The following ZNRF3 variants were observed in gnomAD, a reference collection of about 807,000 sequenced individuals.
ZNRF3 encodes zinc and ring finger 3, also known as E3 ubiquitin-protein ligase ZNRF3.
Under a neutral mutation model 72.5 loss-of-function variants are expected in ZNRF3, and 23 were observed. That is an observed-to-expected ratio of 0.32 (90% CI 0.23 to 0.45). ZNRF3 has a LOEUF of 0.45. Among genes scored for constraint, ZNRF3 ranks in the 20% least tolerant of loss-of-function variants. The pLI, the probability that ZNRF3 is intolerant of heterozygous loss-of-function variation, is 1.00. For missense variants in ZNRF3, 1,169 were observed against 1,272.1 expected, an observed-to-expected ratio of 0.92 and a Z score of 1.23; for synonymous variants, 610 against 545.3, an observed-to-expected ratio of 1.12 and a Z score of -1.65.
chr22:29,039,970 A>T (rs2036931059), intron 2 of ZNRF3, among the ~76,000 whole-genome samples: 1 of 152,012 alleles, frequency 6.6e-6, no homozygotes, highest in African/African-American at 2.4e-5. Flanking sequence ...ATAGAAAGAT[A>T]GATAGCTCTA....
chr22:28,914,895 A>T (rs2034383249), intron 1 of ZNRF3, among the ~76,000 whole-genome samples: 1 of 151,778 alleles, frequency 6.6e-6, no homozygotes, highest in African/African-American at 2.4e-5. Context: ...TGGGACATTC[A>T]GCCTTTTGCC....
intron 1 of ZNRF3, among the ~76,000 whole-genome samples, chr22:28,912,400 T>G (rs1158777204): frequency 1.3e-5 from 2 of 152,212 alleles, no homozygotes; most frequent in Admixed American, 6.5e-5. Context: ...AGTAACTCTT[T>G]TTTTAAGCTT....
At chr22:28,971,562 G>A (rs993552775) in intron 1 of ZNRF3, among the ~76,000 whole-genome samples, 7 of 152,184 alleles carry the variant, frequency 4.6e-5, no homozygotes, top group African/African-American at 1.4e-4. Context: ...GATGTAAGAC[G>A]TGTGTTTATT....
intron 2 of ZNRF3, among the ~76,000 whole-genome samples, chr22:29,008,859 G>A (rs1255319393): frequency 6.6e-6 from 1 of 152,172 alleles, no homozygotes; most frequent in East Asian, 1.9e-4. Context: ...GATAATCTAG[G>A]TAGCCAATTA....
At chr22:28,970,099 G>T (rs994166303) in intron 1 of ZNRF3, among the ~76,000 whole-genome samples, 5 of 152,182 alleles carry the variant, frequency 3.3e-5, no homozygotes, top group Non-Finnish European at 7.4e-5. Context: ...CGACTACAAA[G>T]ATATGATAAT....
intron 1 of ZNRF3, among the ~76,000 whole-genome samples, chr22:28,940,496 C>CT (rs575819283): frequency 0.6 from 83,117 of 138,150 alleles, 26,300 homozygotes; most frequent in Admixed American, 0.74. Context: ...TAGGTTTCTG[C>CT]TTTTTTTTTT....
intron 2 of ZNRF3, among the ~76,000 whole-genome samples, chr22:29,000,379 G>T (rs2036121443): frequency 6.6e-6 from 1 of 152,204 alleles, no homozygotes; most frequent in African/African-American, 2.4e-5. Context: ...TGTGAAATAT[G>T]CTAGGAATTT....
At chr22:28,948,429 G>A (rs1161455652) in intron 1 of ZNRF3, among the ~76,000 whole-genome samples, 2 of 152,224 alleles carry the variant, frequency 1.3e-5, no homozygotes, top group Non-Finnish European at 2.9e-5. Flanking sequence ...GCCTCCCAAA[G>A]TGCTGGGATT....
chr22:28,911,056 T>G (rs2085877446), intron 1 of ZNRF3, among the ~76,000 whole-genome samples: 1 of 152,206 alleles, frequency 6.6e-6, no homozygotes, highest in Non-Finnish European at 1.5e-5. Context: ...ATCTATTGGA[T>G]TCAGCCTTTC....
At chr22:28,910,745 TG>T (rs1321215371) in intron 1 of ZNRF3, among the ~76,000 whole-genome samples, 1 of 152,140 alleles carries the variant, frequency 6.6e-6, no homozygotes, top group Non-Finnish European at 1.5e-5. Flanking sequence ...GCCAAATGCT[TG>T]GGGCCCAGAG....
chr22:28,925,943 C>A (rs1264086280), intron 1 of ZNRF3, among the ~76,000 whole-genome samples: 2 of 152,186 alleles, frequency 1.3e-5, no homozygotes, highest in Non-Finnish European at 2.9e-5. Flanking sequence ...CTATCTACTG[C>A]CTCCCCGCTA....
intron 1 of ZNRF3, among the ~76,000 whole-genome samples, chr22:28,979,393 T>G (rs1206181598): frequency 1.3e-5 from 2 of 152,160 alleles, no homozygotes; most frequent in Admixed American, 6.5e-5. Flanking sequence ...CCTTTCAAGG[T>G]GCTGTCATGG....
chr22:28,888,698 A>T (rs1052412225), intron 1 of ZNRF3, among the ~76,000 whole-genome samples: 10 of 152,200 alleles, frequency 6.6e-5, no homozygotes, highest in African/African-American at 2.2e-4. Flanking sequence ...GGTTCTTCTC[A>T]TCCTGACACT....
chr22:29,053,743 A>G lies in ZNRF3; in HGVS notation c.*121A>G. On this transcript the variant is annotated 3_prime_UTR_variant, in exon 9 of 9. Transcript: ENST00000544604. ...GACAAACACACAAAAGTGGTAATAA[A>G]GAGAGCCCTCCTTGTCAACCCAAAA... is the stretch of plus-strand genomic sequence containing the variant. The G allele has an allele frequency of 2.0e-6, 2 of 1,013,636 alleles. No homozygotes were observed. The highest frequency in any genetic ancestry group is 2.9e-6 in the Non-Finnish European group (2 of 695,638). The allele number at this position is 1,013,636 out of a possible 1,614,324, so 62.8% of individuals were successfully genotyped here.
At position 28,967,654 on chromosome 22, in the gene ZNRF3, C is replaced by T. The variant is rs149005504; in HGVS notation, c.301-19422C>T. Among the ~76,000 whole-genome samples, 380 of 152,064 alleles carry T rather than the reference C, an allele frequency of 2.5e-3. 2 individuals carry two copies. Among genetic ancestry groups the T allele is most frequent in the African/African-American group, 8.6e-3 (356 of 41,494 alleles). On this transcript the variant is annotated intron_variant, in intron 1 of 8. Coordinates refer to ENST00000544604, the MANE Select transcript of ZNRF3 (RefSeq NM_001206998.2). ...TAATATATCCTGTTGAGGCTGGGTG[C>T]GGTGGCTGATGCTTGTAATCCCAGC...
chr22:29,006,366 G>A (rs965848071), intron 2 of ZNRF3, among the ~76,000 whole-genome samples: 3 of 151,990 alleles, frequency 2.0e-5, no homozygotes, highest in Non-Finnish European at 4.4e-5. Context: ...GGCGTGTACC[G>A]CCACGCCTGG....
chr22:29,034,614 G>T (rs2036830234), intron 2 of ZNRF3, among the ~76,000 whole-genome samples: 2 of 152,226 alleles, frequency 1.3e-5, no homozygotes, highest in African/African-American at 4.8e-5. Flanking sequence ...TCTGGAATGT[G>T]CAGCATTTCT....
Position 28,940,496 on chromosome 22 carries a change from CTT to C in ZNRF3, c.301-46564_301-46563del, listed in dbSNP as rs575819283. On this transcript the variant is annotated intron_variant, in intron 1 of 8. Coordinates refer to ENST00000544604, the MANE Select transcript of ZNRF3 (RefSeq NM_001206998.2). Reference sequence around the variant, plus strand: ...GTTACAGAGCCACACTAGGTTTCTGCTTTTTTTTTTTTTTTTTCTTAAATAGG... The same window carrying C: ...GTTACAGAGCCACACTAGGTTTCTGCTTTTTTTTTTTTTTTCTTAAATAGG... Among the ~76,000 whole-genome samples the C allele has an allele frequency of 9.2e-3, 1,273 of 138,226 alleles. 14 individuals are homozygous for C. Among genetic ancestry groups the C allele is most frequent in the African/African-American group, 0.033 (1,232 of 37,542 alleles). The allele number at this position is 138,226 out of a possible 152,430, so 90.7% of individuals were successfully genotyped here.
intron 1 of ZNRF3, among the ~76,000 whole-genome samples, chr22:28,935,837 C>G (rs1451162271): frequency 6.6e-6 from 1 of 152,262 alleles, no homozygotes; most frequent in African/African-American, 2.4e-5. Context: ...CTCCCCTACC[C>G]GAATTCCCGA....
Sources: gnomAD v4.1 joint callset for allele counts (sites outside exome capture counted in the v4.1 genomes callset) on GRCh38, gnomAD v4.1.1 for gene constraint, MANE v1.5 for transcripts, NCBI Gene and HGNC (gene_info 2026-07-23, HGNC 2026-07-21) for gene names.